SHB: variants seen among roughly 807,000 people sequenced by gnomAD.
SHB encodes the protein SH2 domain-containing adapter protein B.
A neutral mutation model predicts 52.3 loss-of-function variants in SHB; 20 were observed. The observed-to-expected ratio is 0.38, with a 90% CI of 0.27 to 0.56. The LOEUF (loss-of-function observed/expected upper bound fraction) is 0.56. SHB is among the 20% of genes least tolerant of loss of function. The pLI, the probability that SHB is intolerant of heterozygous loss-of-function variation, is 0.71. For synonymous variants in SHB, 397 were observed against 316.5 expected (o/e 1.25, Z -2.70); for missense variants, 825 against 723.3 (o/e 1.14, Z -1.61).
At chr9:37,998,819 G>A (rs1207084926) in intron 2 of SHB, among the ~76,000 whole-genome samples, 1 of 152,192 alleles carries the variant, frequency 6.6e-6, no homozygotes, top group African/African-American at 2.4e-5. Flanking sequence ...TAATATGTTT[G>A]CAGCCATTAA....
At chr9:38,055,889 C>T (rs1205641767) in intron 1 of SHB, among the ~76,000 whole-genome samples, 1 of 152,064 alleles carries the variant, frequency 6.6e-6, no homozygotes, top group East Asian at 1.9e-4. Context: ...ATGCCGACTC[C>T]ACCAGAGGCA....
intron 5 of SHB, among the ~76,000 whole-genome samples, chr9:37,924,288 C>T (rs968388639): frequency 6.6e-6 from 1 of 152,196 alleles, no homozygotes; most frequent in Admixed American, 6.5e-5. Context: ...CCTTGCAGCG[C>T]AATCACGGGC....
intron 1 of SHB, among the ~76,000 whole-genome samples, chr9:38,031,287 C>T (rs1442198333): frequency 6.6e-6 from 1 of 152,200 alleles, no homozygotes; most frequent in Non-Finnish European, 1.5e-5. Flanking sequence ...CGCCACTGCA[C>T]TCTAGCCTGG....
At chr9:38,020,619 T>C (rs1377765342) in intron 1 of SHB, among the ~76,000 whole-genome samples, 1 of 152,174 alleles carries the variant, frequency 6.6e-6, no homozygotes. Context: ...TGGTAACCCC[T>C]CTGCAATCAT....
At chr9:38,009,831 T>C (rs575754787) in intron 2 of SHB, among the ~76,000 whole-genome samples, 1 of 152,358 alleles carries the variant, frequency 6.6e-6, no homozygotes, top group East Asian at 1.9e-4. Flanking sequence ...TGAAATGACT[T>C]TAATTTCCTC....
At chr9:37,936,905 G>A (rs146444189) in intron 5 of SHB, 6 of 152,272 alleles carry the variant, frequency 3.9e-5, no homozygotes, top group East Asian at 3.9e-4. Flanking sequence ...CACTGCATAC[G>A]GCCTTTCCTC....
At chr9:38,043,989 T>C (rs1821614044) in intron 1 of SHB, among the ~76,000 whole-genome samples, 1 of 152,240 alleles carries the variant, frequency 6.6e-6, no homozygotes. Context: ...ATGGCCCCTA[T>C]GCTGGAACCA....
chr9:38,022,361 A>G (rs1821291808), intron 1 of SHB, among the ~76,000 whole-genome samples: 1 of 152,018 alleles, frequency 6.6e-6, no homozygotes, highest in East Asian at 1.9e-4. Flanking sequence ...GTAATTCAAC[A>G]CTCATTATTC....
intron 2 of SHB, among the ~76,000 whole-genome samples, chr9:38,009,738 T>C (rs1375691547): frequency 6.6e-6 from 1 of 152,204 alleles, no homozygotes; most frequent in East Asian, 1.9e-4. Context: ...ATCTGGACGG[T>C]GCCTACTAGC....
chr9:38,056,771 A>C (rs1386880963), intron 1 of SHB, among the ~76,000 whole-genome samples: 1 of 152,274 alleles, frequency 6.6e-6, no homozygotes, highest in African/African-American at 2.4e-5. Context: ...AATGTTCTGC[A>C]ACCCAAATGG....
At chr9:37,927,966 C>T (rs1324570057) in intron 5 of SHB, among the ~76,000 whole-genome samples, 5 of 150,598 alleles carry the variant, frequency 3.3e-5, no homozygotes, top group African/African-American at 9.8e-5. Context: ...TTTTTTTCTA[C>T]CTCTAATTGA....
chr9:38,053,857 T>C (rs1821781321), intron 1 of SHB, among the ~76,000 whole-genome samples: 1 of 152,174 alleles, frequency 6.6e-6, no homozygotes, highest in Non-Finnish European at 1.5e-5. Flanking sequence ...TTTCAACAAA[T>C]GATTTTATTT....
intron 1 of SHB, among the ~76,000 whole-genome samples, chr9:38,045,124 G>C (rs1416357445): frequency 2.0e-5 from 3 of 152,214 alleles, no homozygotes; most frequent in African/African-American, 2.4e-5. Flanking sequence ...CTTTCCAAGA[G>C]GTAAGGGTCA....
intron 2 of SHB, among the ~76,000 whole-genome samples, chr9:37,982,775 C>G (rs1327030738): frequency 6.6e-6 from 1 of 151,326 alleles, no homozygotes; most frequent in Non-Finnish European, 1.5e-5. Context: ...CTCCAGCCTG[C>G]GCAACAAGAG....
At chr9:37,994,817 AATATCAGTC>A (rs1820928338) in intron 2 of SHB, among the ~76,000 whole-genome samples, 1 of 152,018 alleles carries the variant, frequency 6.6e-6, no homozygotes, top group Non-Finnish European at 1.5e-5. Flanking sequence ...TTTCTTTCAT[AATATCAGTC>A]ATGTATGCTG....
At chr9:37,943,614 C>T (rs1376518857) in intron 5 of SHB, among the ~76,000 whole-genome samples, 1 of 152,198 alleles carries the variant, frequency 6.6e-6, no homozygotes, top group Non-Finnish European at 1.5e-5. Flanking sequence ...ACTCTCACCA[C>T]CTCAACCAAG....
At chr9:37,973,212 A>T (rs897559079) in intron 3 of SHB, among the ~76,000 whole-genome samples, 1 of 152,152 alleles carries the variant, frequency 6.6e-6, no homozygotes, top group Non-Finnish European at 1.5e-5. Context: ...GATTATAAAC[A>T]GTGCCTTTTC....
chr9:38,068,582 G>A lies in SHB; in HGVS notation c.64C>T (p.Pro22Ser). ...TGCTCGCGGTAGTCTGGCCGCGGCGGCTGCGGGGGGCTCTTGGTCTTGCTG... is the reference window on the plus strand; with the variant it reads ...TGCTCGCGGTAGTCTGGCCGCGGCGACTGCGGGGGGCTCTTGGTCTTGCTG... ...GNSKTKSPPQPPRPDYREQRR... is the reference protein window; with the variant it reads ...GNSKTKSPPQSPRPDYREQRR... Residue 22 changes from proline to serine, a missense_variant, in exon 1 of 6, where the codon CCG becomes TCG. By Grantham distance (74) the Pro-to-Ser change is moderately conservative (BLOSUM62 -1). Coordinates refer to ENST00000377707, the MANE Select transcript of SHB (RefSeq NM_003028.3). 1.3e-6 allele frequency: 2 copies of A among 1,489,728 alleles called. No individual in the cohort carries two copies. The highest frequency in any genetic ancestry group is 2.6e-5 in the South Asian group (2 of 77,322). The allele number at this position is 1,489,728 out of a possible 1,614,324, so 92.3% of individuals were successfully genotyped here.
chr9:37,951,994 C>T (rs1421810631), intron 4 of SHB, among the ~76,000 whole-genome samples: 1 of 152,132 alleles, frequency 6.6e-6, no homozygotes, highest in Admixed American at 6.5e-5. Context: ...ATGGGCTGGA[C>T]CTCGTGGGGT....
Sources: gnomAD v4.1 joint callset for allele counts (sites outside exome capture counted in the v4.1 genomes callset) on GRCh38, gnomAD v4.1.1 for gene constraint, MANE v1.5 for transcripts, NCBI Gene and HGNC (gene_info 2026-07-23, HGNC 2026-07-21) for gene names.